The following KIF17 variants were observed in gnomAD, a reference collection of about 807,000 sequenced individuals.
KIF17 encodes kinesin family member 17.
Under a neutral mutation model 96.8 loss-of-function variants are expected in KIF17, and 80 were observed. That is an observed-to-expected ratio of 0.83 (90% confidence interval 0.69 to 1.00). The LOEUF is 1.00. Ranked by LOEUF, KIF17 falls within the 50% of genes least tolerant of loss-of-function variation. The pLI, the probability that KIF17 is intolerant of heterozygous loss-of-function variation, is 0.00. For synonymous variants in KIF17, 567 were observed against 587.5 expected (o/e 0.97, Z 0.51); for missense variants, 1,280 against 1,372.9 (o/e 0.93, Z 1.07).
chr1:20,690,707 G>A (rs1478744749), intron 6 of KIF17, among the ~76,000 whole-genome samples: 1 of 150,012 alleles, frequency 6.7e-6, no homozygotes, highest in Admixed American at 6.6e-5. Flanking sequence ...TTTTTTTTGA[G>A]ACGGAGTCTC....
chr1:20,663,725 GC>G (rs1342993568), downstream of KIF17, among the ~76,000 whole-genome samples: 2 of 152,330 alleles, frequency 1.3e-5, no homozygotes, highest in African/African-American at 4.8e-5. Flanking sequence ...TCCCAGCACA[GC>G]CCCCAGGACT....
intron 11 of KIF17, among the ~76,000 whole-genome samples, chr1:20,678,296 T>A (rs1399171492): frequency 6.6e-6 from 1 of 152,076 alleles, no homozygotes; most frequent in East Asian, 1.9e-4. Context: ...ACTGGGTCCC[T>A]CCCACAACAC....
At chr1:20,676,597 A>G (rs1343205147) in intron 11 of KIF17, among the ~76,000 whole-genome samples, 1 of 152,094 alleles carries the variant, frequency 6.6e-6, no homozygotes, top group African/African-American at 2.4e-5. Flanking sequence ...TTGGGAGGCC[A>G]AGGTGGGGCG....
In KIF17 at chr1:20,687,413, G is replaced by A. The variant is rs753195541; in HGVS notation, c.1913C>T (p.Ala638Val). 1 of 1,613,622 alleles carries A rather than the reference G, an allele frequency of 6.2e-7. No individual in the cohort carries two copies. The highest frequency in any genetic ancestry group is 8.5e-7 in the Non-Finnish European group (1 of 1,180,038). ...CTGCACAGGGACCTTGGGGACGTCT[G>A]CCTGGGGTGCATCTGTCCTGGCCAC... ...STVARTDAPQ[A>V]DVPKVPVQVP... The change falls in exon 8 of 15, where the codon GCA becomes GTA. Residue 638 changes from alanine (A) to valine (V), a missense_variant. Physicochemically the swap from Ala to Val is moderately conservative, Grantham distance 64 (BLOSUM62 0). Transcript: ENST00000400463. This position sits in a 1 kb window ranked among gnomAD's most constrained non-coding sequence, Gnocchi z 4.4.
chr1:20,677,464 A>G (rs2053757671), intron 11 of KIF17, among the ~76,000 whole-genome samples: 1 of 152,198 alleles, frequency 6.6e-6, no homozygotes, highest in Non-Finnish European at 1.5e-5. Context: ...AGCCTTTATT[A>G]TTACAAGATA....
chr1:20,694,842 C>G (rs2054106012), intron 6 of KIF17, among the ~76,000 whole-genome samples: 1 of 152,196 alleles, frequency 6.6e-6, no homozygotes, highest in Non-Finnish European at 1.5e-5. Context: ...CCTGCTCTCA[C>G]TGCCCTCCTC....
chr1:20,666,871 G>A (rs751298940), intron 13 of KIF17, among the ~76,000 whole-genome samples: 1 of 152,140 alleles, frequency 6.6e-6, no homozygotes, highest in Non-Finnish European at 1.5e-5. Context: ...TGACATCCCA[G>A]TGGGGTGAGC....
rs542785135 is a variant in KIF17 at position 20,700,700 on chromosome 1, C to A, written c.1124-2212G>T. Among the ~76,000 whole-genome samples the A allele has an allele frequency of 5.6e-4, 86 of 152,298 alleles. No individual in the cohort carries two copies. Among genetic ancestry groups the A allele is most frequent in the African/African-American group, 2.0e-3 (82 of 41,562 alleles). ...ACTTGCTGGGCAGGGTTAGACTGCCCTTCAGGGCGAGCGAATTCCTAGAAA... is the reference window on the plus strand; with the variant it reads ...ACTTGCTGGGCAGGGTTAGACTGCCATTCAGGGCGAGCGAATTCCTAGAAA... On this transcript the variant is annotated intron_variant, in intron 5 of 14. Coordinates refer to ENST00000400463, the MANE Select transcript of KIF17 (RefSeq NM_001122819.3). This position sits in a 1 kb window ranked among gnomAD's most constrained non-coding sequence, Gnocchi z 4.6.
rs1458222419 is a variant in KIF17, at chr1:20,709,514, C to A, written c.670+125G>T. The A allele has an allele frequency of 4.7e-6, 5 of 1,057,418 alleles. No individual in the cohort carries two copies. The highest frequency in any genetic ancestry group is 1.6e-5 in the African/African-American group (1 of 63,656). The allele number at this position is 1,057,418 out of a possible 1,614,324, so 65.5% of individuals were successfully genotyped here. A position where few individuals can be genotyped will look rare whatever the true frequency, so the allele number is the denominator to read the frequency against. On this transcript the variant is annotated intron_variant, in intron 4 of 14. Transcript: ENST00000400463. The surrounding 1 kb of genome is among the most constrained non-coding windows in gnomAD (Gnocchi z 4.7). ...TCCCAAGGGTCCTCTTGGGTTTCCTCCAGGCTGTTAGAGCATCTCTTCCCA... is the reference window on the plus strand; with the variant it reads ...TCCCAAGGGTCCTCTTGGGTTTCCTACAGGCTGTTAGAGCATCTCTTCCCA...
chr1:20,691,425 G>T (rs1306250106), intron 6 of KIF17, among the ~76,000 whole-genome samples: 1 of 151,644 alleles, frequency 6.6e-6, no homozygotes, highest in Non-Finnish European at 1.5e-5. Flanking sequence ...GGGATTACAG[G>T]CATAAGCCAC....
Position 20,683,631 on chromosome 1 carries a change from A to G in KIF17, c.2232-747T>C, listed in dbSNP as rs61162398. ...GATCGCACCACTGCACTCCAGCCTG[A>G]GCAACAGAGCAAGGCTTCATCTCAA... On this transcript the variant is annotated intron_variant, in intron 10 of 14. Transcript: ENST00000400463. Among the ~76,000 whole-genome samples the G allele has an allele frequency of 2.6e-3, 389 of 152,068 alleles. 1 individual carries two copies. The highest frequency in any genetic ancestry group is 6.7e-3 in the African/African-American group (278 of 41,504).
intron 3 of KIF17, among the ~76,000 whole-genome samples, chr1:20,711,277 C>T (rs549148339): frequency 2.0e-5 from 3 of 152,288 alleles, no homozygotes; most frequent in South Asian, 4.1e-4. Context: ...CAACACCTCA[C>T]CCGAGGGGTC....
intron 7 of KIF17, 123 bp downstream of exon 7, chr1:20,690,065 T>G: frequency 9.8e-7 from 1 of 1,022,328 alleles, no homozygotes; most frequent in Non-Finnish European, 1.5e-6. Flanking sequence ...TACTGGACCA[T>G]TGTGAGGATA....
In KIF17 at chr1:20,709,854, C is replaced by G; in HGVS notation, c.481-26G>C. 6.3e-7 allele frequency: 1 copy of G among 1,579,952 alleles called. No individual in the cohort carries two copies. The highest frequency in any genetic ancestry group is 2.3e-5 in the East Asian group (1 of 42,688). On this transcript the variant is annotated intron_variant, in intron 3 of 14. Coordinates refer to ENST00000400463, the MANE Select transcript of KIF17 (RefSeq NM_001122819.3). This position sits in a 1 kb window ranked among gnomAD's most constrained non-coding sequence, Gnocchi z 4.7. Reference sequence around the variant, plus strand: ...CTGAGGGAGGAGGAACAGTCAGGGGCGGAACCTCCAGCCGCCAAGGGTTAG... The same window carrying G: ...CTGAGGGAGGAGGAACAGTCAGGGGGGGAACCTCCAGCCGCCAAGGGTTAG...
At chr1:20,713,251 C>T (rs1208366304) in intron 3 of KIF17, among the ~76,000 whole-genome samples, 2 of 151,128 alleles carry the variant, frequency 1.3e-5, no homozygotes, top group African/African-American at 4.9e-5. Flanking sequence ...CCACCTTGGC[C>T]TCCCAAAGTG....
chr1:20,669,809 T>A, intron 13 of KIF17, among the ~76,000 whole-genome samples: 1 of 123,170 alleles, frequency 8.1e-6, no homozygotes, highest in African/African-American at 3.1e-5. Context: ...GAGGTTGCAG[T>A]GAGCCAAGAT....
chr1:20,695,931 C>T (rs747423871), intron 6 of KIF17, among the ~76,000 whole-genome samples: 7 of 152,140 alleles, frequency 4.6e-5, no homozygotes, highest in Non-Finnish European at 8.8e-5. Flanking sequence ...GACTGAATGG[C>T]GGAGCTGACC....
chr1:20,691,030 G>T (rs1222634256), intron 6 of KIF17, among the ~76,000 whole-genome samples: 1 of 151,888 alleles, frequency 6.6e-6, no homozygotes, highest in Non-Finnish European at 1.5e-5. Flanking sequence ...GCCGGGCGTG[G>T]TGGCTCATGC....
At chr1:20,670,213 TGTGA>T (rs1219624710) in intron 13 of KIF17, among the ~76,000 whole-genome samples, 3 of 152,238 alleles carry the variant, frequency 2.0e-5, no homozygotes, top group Admixed American at 2.0e-4. Context: ...TATTTATGAC[TGTGA>T]GTACCTTTGA....
Sources: gnomAD v4.1 joint callset for allele counts (sites outside exome capture counted in the v4.1 genomes callset) on GRCh38, gnomAD v4.1.1 for gene constraint, Gnocchi (gnomAD v3.1) non-coding constraint, MANE v1.5 for transcripts, NCBI Gene and HGNC (gene_info 2026-07-23, HGNC 2026-07-21) for gene names.